The following BRINP3 variants were observed in gnomAD, a reference collection of about 807,000 sequenced individuals.
BRINP3 encodes the protein BMP/retinoic acid inducible neural specific 3, also known as BMP/retinoic acid-inducible neural-specific protein 3.
A neutral mutation model predicts 71.0 loss-of-function variants in BRINP3; 19 were observed. The observed-to-expected ratio is 0.27, with a 90% CI of 0.19 to 0.39. BRINP3 has a LOEUF of 0.39. Ranked by LOEUF, BRINP3 falls within the 10% of genes least tolerant of loss-of-function variation. BRINP3 has a pLI of 1.00. For missense variants in BRINP3, 959 were observed against 940.8 expected (o/e 1.02, Z -0.25); for synonymous variants, 380 against 337.7 (o/e 1.13, Z -1.37).
At chr1:190,351,113 AC>A (rs1668357863) in intron 2 of BRINP3, among the ~76,000 whole-genome samples, 1 of 151,850 alleles carries the variant, frequency 6.6e-6, no homozygotes, top group South Asian at 2.1e-4. Context: ...CCTCAAGTTC[AC>A]CTTTTTTGGT....
At chr1:190,173,315 A>G (rs1271701865) in intron 6 of BRINP3, among the ~76,000 whole-genome samples, 2 of 152,146 alleles carry the variant, frequency 1.3e-5, no homozygotes, top group Non-Finnish European at 2.9e-5. Context: ...ACGTGGGGGA[A>G]GGGATATATT....
intron 2 of BRINP3, among the ~76,000 whole-genome samples, chr1:190,377,643 C>T (rs922364083): frequency 3.3e-5 from 5 of 149,496 alleles, no homozygotes; most frequent in South Asian, 2.1e-4. Context: ...CACAAGTACA[C>T]ACATACACAC....
At chr1:190,252,621 C>T (rs944069879) in intron 4 of BRINP3, among the ~76,000 whole-genome samples, 1 of 152,002 alleles carries the variant, frequency 6.6e-6, no homozygotes, top group African/African-American at 2.4e-5. Flanking sequence ...ATCAATTCTG[C>T]TCATGCTGAG....
chr1:190,225,990 T>C, intron 6 of BRINP3, 92 bp downstream of exon 6: 1 of 833,788 alleles, frequency 1.2e-6, no homozygotes, highest in Admixed American at 2.8e-5. Flanking sequence ...TCTTTCCAAC[T>C]ATGTAATAGT....
rs1011629307 is a variant in BRINP3, at chr1:190,352,574, A to C, written c.237-70824T>G. On this transcript the variant is annotated intron_variant, in intron 2 of 7. Transcript: ENST00000367462. ...AGCTCTTAATTGAAGTAAACATATCATATTTTCCTACTTATAATAAAGAAT... is the reference window on the plus strand; with the variant it reads ...AGCTCTTAATTGAAGTAAACATATCCTATTTTCCTACTTATAATAAAGAAT... 5.3e-5 allele frequency among the ~76,000 whole-genome samples: 8 copies of C among 151,928 alleles called. 1 individual carries two copies. The highest frequency in any genetic ancestry group is 3.3e-4 in the Admixed American group (5 of 15,238).
At chr1:190,472,812 T>TACACACAC (rs67049979) in intron 1 of BRINP3, among the ~76,000 whole-genome samples, 4,594 of 147,548 alleles carry the variant, frequency 0.031, 184 homozygotes, top group African/African-American at 0.096. Flanking sequence ...TGGTAGAAAT[T>TACACACAC]ACACACACAC....
At chr1:190,335,778 C>T (rs1193667724) in intron 2 of BRINP3, among the ~76,000 whole-genome samples, 1 of 151,894 alleles carries the variant, frequency 6.6e-6, no homozygotes, top group African/African-American at 2.4e-5. Flanking sequence ...CTGAATGAAG[C>T]TAGCTCCTGT....
intron 2 of BRINP3, among the ~76,000 whole-genome samples, chr1:190,392,801 C>G (rs1488755795): frequency 6.6e-6 from 1 of 151,534 alleles, no homozygotes; most frequent in Non-Finnish European, 1.5e-5. Context: ...ATTCTCAATT[C>G]AATTAATAAA....
At chr1:190,248,569 A>T (rs1646710414) in intron 4 of BRINP3, among the ~76,000 whole-genome samples, 2 of 151,680 alleles carry the variant, frequency 1.3e-5, no homozygotes, top group South Asian at 4.1e-4. Context: ...TCCTTTCAAA[A>T]ATGTTTCAGG....
chr1:190,271,783 C>A (rs899966522), intron 3 of BRINP3, among the ~76,000 whole-genome samples: 8 of 151,466 alleles, frequency 5.3e-5, no homozygotes, highest in African/African-American at 1.5e-4. Flanking sequence ...TCATTAATTT[C>A]TTCTTAATAG....
chr1:190,128,134 T>G (rs1308059024), intron 7 of BRINP3, among the ~76,000 whole-genome samples: 1 of 151,762 alleles, frequency 6.6e-6, no homozygotes, highest in Non-Finnish European at 1.5e-5. Context: ...CTCATACTTA[T>G]TCATAATTAT....
intron 2 of BRINP3, among the ~76,000 whole-genome samples, chr1:190,362,934 A>T (rs957012179): frequency 6.6e-5 from 10 of 152,254 alleles, no homozygotes; most frequent in African/African-American, 2.4e-4. Flanking sequence ...CTATTTTTTT[A>T]ATTTTAAAAT....
intron 2 of BRINP3, among the ~76,000 whole-genome samples, chr1:190,439,267 G>A (rs752071400): frequency 2.0e-5 from 3 of 151,762 alleles, no homozygotes; most frequent in African/African-American, 4.8e-5. Flanking sequence ...ATGAATAGTA[G>A]AATAAAGGGA....
chr1:190,197,748 G>A (rs1240068026), intron 6 of BRINP3, among the ~76,000 whole-genome samples: 1 of 152,134 alleles, frequency 6.6e-6, no homozygotes, highest in Admixed American at 6.5e-5. Flanking sequence ...TTTCACAGCT[G>A]GCATTAAGTG....
At chr1:190,148,437 C>T (rs184884863) in intron 7 of BRINP3, among the ~76,000 whole-genome samples, 1 of 149,658 alleles carries the variant, frequency 6.7e-6, no homozygotes, top group Non-Finnish European at 1.5e-5. Flanking sequence ...ACTAAAAATA[C>T]AAAAAAAAAC....
chr1:190,349,915 G>T (rs536257823), intron 2 of BRINP3, among the ~76,000 whole-genome samples: 1 of 152,082 alleles, frequency 6.6e-6, no homozygotes, highest in East Asian at 1.9e-4. Flanking sequence ...GTATCTCCTT[G>T]TGTGTGGACG....
chr1:190,166,934 A>G (rs916180947), intron 6 of BRINP3, among the ~76,000 whole-genome samples: 3 of 152,050 alleles, frequency 2.0e-5, no homozygotes, highest in Non-Finnish European at 2.9e-5. Context: ...CATGTTGGCC[A>G]GGCTGGACTT....
chr1:190,147,610 T>C (rs1015846903), intron 7 of BRINP3, among the ~76,000 whole-genome samples: 3 of 152,192 alleles, frequency 2.0e-5, no homozygotes, highest in African/African-American at 7.2e-5. Context: ...ATTAAAGAAA[T>C]TGTTTTCATT....
At chr1:190,142,706 A>G (rs2102394907) in intron 7 of BRINP3, among the ~76,000 whole-genome samples, 1 of 152,134 alleles carries the variant, frequency 6.6e-6, no homozygotes, top group East Asian at 1.9e-4. Flanking sequence ...AAATATTTTT[A>G]TACTTGAAAA....
Sources: gnomAD v4.1 joint callset for allele counts (sites outside exome capture counted in the v4.1 genomes callset) on GRCh38, gnomAD v4.1.1 for gene constraint, MANE v1.5 for transcripts, NCBI Gene and HGNC (gene_info 2026-07-23, HGNC 2026-07-21) for gene names.